GRIK4: variants seen among roughly 807,000 people sequenced by gnomAD.
GRIK4 encodes the protein glutamate ionotropic receptor kainate type subunit 4.
In GRIK4, 40 loss-of-function variants were observed where a neutral mutation model predicts 104.9. The observed-to-expected ratio is 0.38, with a 90% CI of 0.30 to 0.50. The LOEUF is 0.50. Ranked by LOEUF, GRIK4 falls within the 20% of genes least tolerant of loss-of-function variation. The probability of loss-of-function intolerance (pLI) is 0.93; values close to 1 mark genes in which losing one functional copy is unlikely to be tolerated. For synonymous variants in GRIK4, 485 were observed against 524.9 expected (o/e 0.92, Z 1.04); for missense variants, 1,047 against 1,308.1 (o/e 0.80, Z 3.08).
At chr11:120,852,949 A>C (rs1954009068) in intron 8 of GRIK4, among the ~76,000 whole-genome samples, 1 of 152,216 alleles carries the variant, frequency 6.6e-6, no homozygotes. Context: ...CAATGGGGTG[A>C]GATGAGGCAC....
intron 3 of GRIK4, among the ~76,000 whole-genome samples, chr11:120,675,327 T>C (rs1950081545): frequency 1.3e-5 from 2 of 152,198 alleles, no homozygotes; most frequent in Non-Finnish European, 1.5e-5. Flanking sequence ...GACTCCCTTC[T>C]GGGTCTGGAG....
chr11:120,806,307 G>A (rs752344471), intron 4 of GRIK4, among the ~76,000 whole-genome samples: 8 of 152,148 alleles, frequency 5.3e-5, no homozygotes, highest in African/African-American at 9.7e-5. Context: ...AGCATCCATC[G>A]TAATTGGATA....
chr11:120,551,900 C>G (rs1948144234), intron 1 of GRIK4, among the ~76,000 whole-genome samples: 1 of 152,202 alleles, frequency 6.6e-6, no homozygotes, highest in East Asian at 1.9e-4. Context: ...GATAGCTGAA[C>G]ACGTGGCGGT....
chr11:120,744,003 C>T (rs1408130057), intron 3 of GRIK4, among the ~76,000 whole-genome samples: 1 of 152,198 alleles, frequency 6.6e-6, no homozygotes, highest in Admixed American at 6.5e-5. Context: ...AGGGCCGTGA[C>T]AGAATCAGTC....
At chr11:120,830,060 C>G (rs530142029) in intron 6 of GRIK4, among the ~76,000 whole-genome samples, 2 of 152,250 alleles carry the variant, frequency 1.3e-5, no homozygotes, top group East Asian at 3.9e-4. Context: ...CTGCCACAGC[C>G]TCCAGCTCCC....
rs1356500418 is a variant in GRIK4 at position 120,513,605 on chromosome 11, T to C, written c.-159+1718T>C. Among the ~76,000 whole-genome samples the C allele has an allele frequency of 6.6e-6, 1 of 152,226 alleles. No homozygotes were observed. The highest frequency in any genetic ancestry group is 2.4e-5 in the African/African-American group (1 of 41,452). On this transcript the variant is annotated intron_variant, in intron 1 of 20. Coordinates refer to ENST00000527524, the MANE Select transcript of GRIK4 (RefSeq NM_014619.5). The surrounding 1 kb of genome is among the most constrained non-coding windows in gnomAD (Gnocchi z 4.5). ...ACGACCCTTCGGAGAGTTAATCTAA[T>C]ATGCACACATTACAGTGTCTGGGTT...
intron 3 of GRIK4, among the ~76,000 whole-genome samples, chr11:120,680,474 C>G (rs975317478): frequency 6.6e-6 from 1 of 152,226 alleles, no homozygotes; most frequent in Non-Finnish European, 1.5e-5. Context: ...AGCCTCACCC[C>G]ACATGGCGTG....
At chr11:120,937,038 T>C (rs7926317) in intron 13 of GRIK4, among the ~76,000 whole-genome samples, 38,929 of 152,014 alleles carry the variant, frequency 0.26, 5,372 homozygotes, top group East Asian at 0.36. Context: ...CATAATGTCT[T>C]TTTTTTGTTT....
Position 120,985,852 on chromosome 11 carries a change from G to T in GRIK4, c.2515-52G>T, listed in dbSNP as rs1338167948. The stretch of plus-strand genomic sequence containing the variant: ...CCTCATCCCAGCGGACTCGCAGGGG[G>T]CCCACGGGGGCTGGTTGAGAGGCTG... On this transcript the variant is annotated intron_variant, in intron 20 of 20. Coordinates refer to ENST00000527524, the MANE Select transcript of GRIK4 (RefSeq NM_014619.5). The T allele has an allele frequency of 3.3e-6, 5 of 1,527,812 alleles. No homozygotes were observed. In the African/African-American group the frequency reaches 5.5e-5, roughly 17 times the overall value. The allele number at this position is 1,527,812 out of a possible 1,614,324, so 94.6% of individuals were successfully genotyped here.
At chr11:120,561,150 C>G (rs1296992297) in intron 1 of GRIK4, among the ~76,000 whole-genome samples, 1 of 151,622 alleles carries the variant, frequency 6.6e-6, no homozygotes, top group African/African-American at 2.4e-5. Context: ...CTGTCTAGTC[C>G]CCTGGTGTGT....
intron 3 of GRIK4, among the ~76,000 whole-genome samples, chr11:120,710,997 T>TGGCG (rs1555046761): frequency 7.2e-5 from 9 of 124,864 alleles, no homozygotes; most frequent in Admixed American, 2.2e-4. Flanking sequence ...CCCTGTGAGG[T>TGGCG]GGGGAGGGGG....
At chr11:120,547,887 G>A (rs558053749) in intron 1 of GRIK4, among the ~76,000 whole-genome samples, 1 of 152,312 alleles carries the variant, frequency 6.6e-6, no homozygotes, top group African/African-American at 2.4e-5. Context: ...CTCATTAGCG[G>A]GATAAATATG....
intron 3 of GRIK4, among the ~76,000 whole-genome samples, chr11:120,737,960 A>T (rs141968867): frequency 6.6e-6 from 1 of 152,338 alleles, no homozygotes; most frequent in East Asian, 1.9e-4. Flanking sequence ...AGAAAAAGTG[A>T]TGAAAACATA....
Position 120,847,227 on chromosome 11 carries a change from AG to A in GRIK4, c.744+10385del, listed in dbSNP as rs140829753. On this transcript the variant is annotated intron_variant, in intron 8 of 20. Coordinates refer to ENST00000527524, the MANE Select transcript of GRIK4 (RefSeq NM_014619.5). Reference sequence around the variant, plus strand: ...CTCACAGTGAGTCAGGAGTAGAGAGAGGAGGTCTCCTCACTCACACAGTTCA... The same window carrying A: ...CTCACAGTGAGTCAGGAGTAGAGAGAGAGGTCTCCTCACTCACACAGTTCA... 9.7e-3 allele frequency among the ~76,000 whole-genome samples: 1,484 copies of A among 152,296 alleles called. 27 individuals are homozygous for A. Among genetic ancestry groups the A allele is most frequent in the African/African-American group, 0.033 (1,373 of 41,560 alleles).
chr11:120,867,016 T>C (rs1954438357), intron 9 of GRIK4, among the ~76,000 whole-genome samples: 1 of 152,142 alleles, frequency 6.6e-6, no homozygotes, highest in African/African-American at 2.4e-5. Context: ...ACGGACGTGC[T>C]GGATGGCACA....
chr11:120,600,913 AGGTGT>A (rs1180640569), intron 1 of GRIK4, among the ~76,000 whole-genome samples: 1 of 151,424 alleles, frequency 6.6e-6, no homozygotes, highest in East Asian at 2.0e-4. Context: ...AAATACAAAA[AGGTGT>A]GGTGGCATGC....
At chr11:120,512,966 C>T (rs142824123) in intron 1 of GRIK4, among the ~76,000 whole-genome samples, 31 of 152,290 alleles carry the variant, frequency 2.0e-4, no homozygotes, top group African/African-American at 7.2e-4. Context: ...CGGGCTGGAC[C>T]TTGGGCTGCG....
intron 1 of GRIK4, among the ~76,000 whole-genome samples, chr11:120,519,362 G>A (rs1947768618): frequency 1.3e-5 from 2 of 152,172 alleles, no homozygotes; most frequent in African/African-American, 4.8e-5. Flanking sequence ...ATTAAGTCAT[G>A]GAGCAGAGCC....
chr11:120,670,387 C>T (rs1428051464), intron 3 of GRIK4, among the ~76,000 whole-genome samples: 1 of 152,244 alleles, frequency 6.6e-6, no homozygotes, highest in African/African-American at 2.4e-5. Context: ...AGATGAAGTC[C>T]TCACAGTGGC....
Sources: gnomAD v4.1 joint callset for allele counts (sites outside exome capture counted in the v4.1 genomes callset) on GRCh38, gnomAD v4.1.1 for gene constraint, Gnocchi (gnomAD v3.1) non-coding constraint, MANE v1.5 for transcripts, NCBI Gene and HGNC (gene_info 2026-07-23, HGNC 2026-07-21) for gene names.